DIAPH2: variants seen among roughly 807,000 people sequenced by gnomAD.
DIAPH2 encodes the protein protein diaphanous homolog 2.
In DIAPH2, 35 loss-of-function variants were observed where a neutral mutation model predicts 92.7. The ratio of observed to expected loss-of-function variants is 0.38; its 90% CI spans 0.29 to 0.50. The LOEUF is 0.50. DIAPH2 is among the 20% of genes least tolerant of loss of function. The pLI, the probability that DIAPH2 is intolerant of heterozygous loss-of-function variation, is 0.94. For synonymous variants in DIAPH2, 301 were observed against 280.4 expected (o/e 1.07, Z -0.73); for missense variants, 701 against 819.5 (o/e 0.86, Z 1.77).
intron 25 of DIAPH2, among the ~76,000 whole-genome samples, chrX:97,403,888 T>A (rs1417704544): frequency 9.2e-6 from 1 of 108,899 alleles, no homozygotes; most frequent in Non-Finnish European, 1.9e-5. Flanking sequence ...CTTTTGCTCT[T>A]ATTGCCCAGG....
intron 5 of DIAPH2, among the ~76,000 whole-genome samples, chrX:96,904,837 C>T (rs1256220266): frequency 9.0e-6 from 1 of 110,845 alleles, no homozygotes; most frequent in East Asian, 2.8e-4. Context: ...AAACCAAAAC[C>T]CACCACTCAA....
intron 26 of DIAPH2, among the ~76,000 whole-genome samples, chrX:97,585,834 A>G (rs750782458): frequency 4.5e-5 from 5 of 111,879 alleles, no homozygotes; most frequent in Non-Finnish European, 7.5e-5. Context: ...CCATATTTCT[A>G]AATCTGATAG....
intron 24 of DIAPH2, among the ~76,000 whole-genome samples, chrX:97,369,872 G>C (rs2069427463): frequency 9.0e-6 from 1 of 111,689 alleles, no homozygotes; most frequent in African/African-American, 3.2e-5. Context: ...CTGTTCACTA[G>C]GATTTTTATT....
chrX:97,188,869 G>A (rs1393174731), intron 22 of DIAPH2, among the ~76,000 whole-genome samples: 4 of 112,241 alleles, frequency 3.6e-5, no homozygotes, highest in Non-Finnish European at 7.5e-5. Flanking sequence ...TCTCTCTGTT[G>A]AGTGGTGTAA....
intron 19 of DIAPH2, among the ~76,000 whole-genome samples, chrX:97,089,401 G>A (rs1010553094): frequency 9.0e-6 from 1 of 111,630 alleles, no homozygotes; most frequent in African/African-American, 3.3e-5. Context: ...TTCAGAGGAT[G>A]AGTAACTAGT....
intron 22 of DIAPH2, among the ~76,000 whole-genome samples, chrX:97,152,417 G>A (rs976665592): frequency 4.5e-5 from 5 of 110,964 alleles, no homozygotes; most frequent in East Asian, 5.7e-4. Flanking sequence ...CATGTAAAAC[G>A]ATCAGAGGGG....
intron 26 of DIAPH2, among the ~76,000 whole-genome samples, chrX:97,584,440 G>A (rs1377352771): frequency 8.9e-6 from 1 of 112,281 alleles, no homozygotes; most frequent in Non-Finnish European, 1.9e-5. Flanking sequence ...TAATAAAACA[G>A]ATAAAACTAA....
chrX:97,413,910 CA>C (rs1406021084), intron 25 of DIAPH2, among the ~76,000 whole-genome samples: 1 of 111,424 alleles, frequency 9.0e-6, no homozygotes, highest in African/African-American at 3.3e-5. Context: ...AGGACACAAA[CA>C]AATAGAAGAA....
intron 1 of DIAPH2, among the ~76,000 whole-genome samples, chrX:96,730,449 G>A (rs150518592): frequency 0.063 from 6,939 of 110,971 alleles, 221 homozygotes; most frequent in Non-Finnish European, 0.096. Context: ...TGAGTATAGG[G>A]TCTGAAAAGT....
chrX:96,962,032 G>T (rs1290551621), intron 16 of DIAPH2, among the ~76,000 whole-genome samples: 1 of 107,779 alleles, frequency 9.3e-6, no homozygotes, highest in East Asian at 2.9e-4. Flanking sequence ...TGTCTTTTAG[G>T]CCTGTTTGTT....
chrX:97,577,151 TGTCTC>T (rs1384655366), intron 26 of DIAPH2, among the ~76,000 whole-genome samples: 16 of 112,018 alleles, frequency 1.4e-4, no homozygotes, highest in Non-Finnish European at 1.7e-4. Context: ...AACAGAAAGC[TGTCTC>T]TAGAACCAGC....
Position 96,884,902 on chromosome X carries a change from C to T in DIAPH2, c.587+3184C>T, listed in dbSNP as rs373048681. 29 of 1,208,844 alleles carry T rather than the reference C, an allele frequency of 2.4e-5. No homozygotes were observed. In the Admixed American group the frequency reaches 2.4e-4, roughly 10 times the overall value. On this transcript the variant is annotated intron_variant, in intron 5 of 26. Coordinates refer to ENST00000324765, the MANE Select transcript of DIAPH2 (RefSeq NM_006729.5). ...TGCTGGGGATAACGATGAGAGTCAC[C>T]GCAATTTCATCCAGGACGAAGTGCT...
chrX:97,347,362 T>TA (rs1243338884), intron 23 of DIAPH2, among the ~76,000 whole-genome samples: 2 of 110,063 alleles, frequency 1.8e-5, no homozygotes, highest in Non-Finnish European at 3.8e-5. Context: ...GTGCTGGGAT[T>TA]ACAGGCATGA....
intron 17 of DIAPH2, among the ~76,000 whole-genome samples, chrX:96,999,680 A>C (rs751050183): frequency 9.0e-6 from 1 of 110,532 alleles, no homozygotes; most frequent in South Asian, 4.0e-4. Context: ...ACATGTATCC[A>C]TTGTTTTTGG....
At position 97,469,032 on chromosome X, in the gene DIAPH2, A is replaced by G. The variant is rs149316474; in HGVS notation, c.3241+39287A>G. Among the ~76,000 whole-genome samples, 327 of 112,322 alleles carry G rather than the reference A, an allele frequency of 2.9e-3. 1 individual carries two copies. The highest frequency in any genetic ancestry group is 8.5e-3 in the African/African-American group (264 of 31,093). On this transcript the variant is annotated intron_variant, in intron 26 of 26. Transcript: ENST00000324765. ...TTTAATTAGCACCAGATTCAGCTAC[A>G]GTTGTATTTATGAATCTATGTTAAT...
chrX:96,684,935 A>G lies in DIAPH2; in HGVS notation c.-124A>G. The G allele has an allele frequency of 2.4e-6, 2 of 833,261 alleles. No individual in the cohort carries two copies. The highest frequency in any genetic ancestry group is 3.1e-6 in the Non-Finnish European group (2 of 654,532). The allele number at this position is 833,261 out of a possible 1,213,427, so 68.7% of individuals were successfully genotyped here. A position where few individuals can be genotyped will look rare whatever the true frequency, so the allele number is the denominator to read the frequency against. ...GCCTGAAATCGGCAGCTTCCCGGGC[A>G]GACACTCTCTCCCTCAGGAAGAGGT... On this transcript the variant is annotated 5_prime_UTR_variant, in exon 1 of 27. Transcript: ENST00000324765.
chrX:97,318,208 G>C lies in DIAPH2; in HGVS notation c.2845-29908G>C, dbSNP rs751512658. On this transcript the variant is annotated intron_variant, in intron 23 of 26. Coordinates refer to ENST00000324765, the MANE Select transcript of DIAPH2 (RefSeq NM_006729.5). ...GGCTAGAGTGCAATGGCGCCATCTC[G>C]GCTCACTGCAACTTCCGCCTCCCAG... Among the ~76,000 whole-genome samples the C allele has an allele frequency of 3.6e-5, 4 of 110,681 alleles. No homozygotes were observed. The East Asian group carries it at 1.1e-3, about 31-fold the overall frequency.
intron 23 of DIAPH2, among the ~76,000 whole-genome samples, chrX:97,324,065 A>G (rs1309110840): frequency 9.0e-6 from 1 of 111,412 alleles, no homozygotes; most frequent in Non-Finnish European, 1.9e-5. Context: ...TAAGTGAAGC[A>G]GCTACCCTTT....
chrX:97,105,303 G>GA (rs1261021430), intron 20 of DIAPH2, among the ~76,000 whole-genome samples: 2 of 109,809 alleles, frequency 1.8e-5, no homozygotes, highest in Admixed American at 9.7e-5. Flanking sequence ...CAACCAGTTG[G>GA]AAAAAAGAGA....
Sources: gnomAD v4.1 joint callset for allele counts (sites outside exome capture counted in the v4.1 genomes callset) on GRCh38, gnomAD v4.1.1 for gene constraint, MANE v1.5 for transcripts, NCBI Gene and HGNC (gene_info 2026-07-23, HGNC 2026-07-21) for gene names.